Variants in DNAJC7 observed in about 807,000 individuals in gnomAD.
DNAJC7 encodes the protein dnaJ homolog subfamily C member 7.
Under a neutral mutation model 67.4 loss-of-function variants are expected in DNAJC7, and 18 were observed. The observed-to-expected ratio is 0.27, with a 90% CI of 0.18 to 0.40. The LOEUF (loss-of-function observed/expected upper bound fraction) is 0.40. Among genes scored for constraint, DNAJC7 ranks in the 10% least tolerant of loss-of-function variants. The probability of loss-of-function intolerance (pLI) is 1.00; values close to 1 mark genes in which losing one functional copy is unlikely to be tolerated. For synonymous variants in DNAJC7, 220 were observed against 207.8 expected (o/e 1.06, Z -0.50); for missense variants, 419 against 613.8 (o/e 0.68, Z 3.35).
chr17:41,989,016 C>T (rs751296113), intron 7 of DNAJC7, 120 bp from the exon 8 acceptor site: 29 of 1,200,644 alleles, frequency 2.4e-5, no homozygotes, highest in Middle Eastern at 2.8e-4. Context: ...CACAGAGCCC[C>T]GCCAACCCCC....
chr17:41,983,503 C>T, intron 10 of DNAJC7, 60 bp downstream of exon 10: 2 of 1,429,120 alleles, frequency 1.4e-6, no homozygotes, highest in Non-Finnish European at 1.9e-6. Flanking sequence ...ACCTTGTGTA[C>T]AGATTTATGG....
intron 2 of DNAJC7, among the ~76,000 whole-genome samples, chr17:41,998,258 C>A (rs890717054): frequency 6.6e-6 from 1 of 151,994 alleles, no homozygotes; most frequent in Non-Finnish European, 1.5e-5. Flanking sequence ...TCACTTGGGG[C>A]CAGGAGTTTT....
At chr17:41,991,919 G>A (rs1477934949) in intron 5 of DNAJC7, among the ~76,000 whole-genome samples, 2 of 152,310 alleles carry the variant, frequency 1.3e-5, no homozygotes, top group South Asian at 2.1e-4. Flanking sequence ...CGCCTCAAGT[G>A]ATCCTCCTGC....
chr17:41,999,892 C>T (rs1448068675), intron 2 of DNAJC7, among the ~76,000 whole-genome samples: 1 of 148,926 alleles, frequency 6.7e-6, no homozygotes, highest in African/African-American at 2.5e-5. Context: ...AATCTTGGCT[C>T]ACTGCAACTT....
intron 1 of DNAJC7, among the ~76,000 whole-genome samples, chr17:42,003,950 ATTTTT>A (rs10631965): frequency 5.3e-5 from 5 of 94,330 alleles, no homozygotes; most frequent in Admixed American, 1.5e-4. Context: ...AAGATTTTCA[ATTTTT>A]TTTTTTTTTT....
chr17:41,997,949 G>A (rs1042632565), intron 2 of DNAJC7, among the ~76,000 whole-genome samples: 3 of 152,128 alleles, frequency 2.0e-5, no homozygotes, highest in African/African-American at 4.8e-5. Context: ...TGCATCCTCC[G>A]CCTCCTGGGC....
At chr17:42,012,203 G>A (rs2052137942) in intron 1 of DNAJC7, among the ~76,000 whole-genome samples, 1 of 152,256 alleles carries the variant, frequency 6.6e-6, no homozygotes, top group South Asian at 2.1e-4. Flanking sequence ...AACAATTTGA[G>A]GTTGGGTGTA....
chr17:42,000,046 T>C (rs1179411883), intron 2 of DNAJC7, among the ~76,000 whole-genome samples: 3 of 146,264 alleles, frequency 2.1e-5, no homozygotes, highest in Non-Finnish European at 4.5e-5. Context: ...CTGAAACCCC[T>C]GATCTAAAGT....
Position 41,990,372 on chromosome 17 carries a change from C to A in DNAJC7, c.491G>T (p.Cys164Phe). The A allele has an allele frequency of 6.2e-7, 1 of 1,607,570 alleles. No individual in the cohort carries two copies. Among genetic ancestry groups the A allele is most frequent in the Non-Finnish European group, 8.5e-7 (1 of 1,176,880 alleles). ...GGCAAATTCTAGGGCACGGTCCATG[C>A]AGAAAACAACCTGTAGGGAAGAAGA... Reference protein sequence around the residue: ...EKRDFRKVVFCMDRALEFAPA... With the variant: ...EKRDFRKVVFFMDRALEFAPA... The change falls in exon 6 of 14, where the codon TGC becomes TTC. Residue 164 changes from cysteine to phenylalanine, a missense_variant. Physicochemically the swap from Cys to Phe is radical, Grantham distance 205. Around this residue, in one of 4 missense-constraint regions of DNAJC7, gnomAD observed 179 missense variants for 249.7 expected, o/e 0.72. Coordinates refer to ENST00000457167, the MANE Select transcript of DNAJC7 (RefSeq NM_003315.4).
chr17:41,980,296 C>T (rs2051215692), intron 12 of DNAJC7, among the ~76,000 whole-genome samples: 1 of 152,166 alleles, frequency 6.6e-6, no homozygotes, highest in South Asian at 2.1e-4. Flanking sequence ...GGTCCGCCCA[C>T]CTTGTTCTCC....
At chr17:41,978,989 AC>A (rs2051168787) in intron 12 of DNAJC7, among the ~76,000 whole-genome samples, 1 of 152,198 alleles carries the variant, frequency 6.6e-6, no homozygotes, top group Admixed American at 6.5e-5. Context: ...AAACACAAAT[AC>A]CCCCACACTG....
At chr17:41,989,039 C>A in intron 7 of DNAJC7, 143 bp from the exon 8 acceptor site, 1 of 1,022,028 alleles carries the variant, frequency 9.8e-7, no homozygotes. Context: ...TCTGGGCTAT[C>A]TGTTGCTCAT....
chr17:41,989,624 T>G, intron 6 of DNAJC7, 67 bp from the exon 7 acceptor site: 1 of 1,576,156 alleles, frequency 6.3e-7, no homozygotes, highest in South Asian at 1.1e-5. Context: ...CTACCATTTG[T>G]GGCCAGTTTT....
chr17:42,013,396 A>C (rs1217023023), intron 1 of DNAJC7: 1 of 152,230 alleles, frequency 6.6e-6, no homozygotes, highest in African/African-American at 2.4e-5. Flanking sequence ...CCGTCTTAAA[A>C]GCTCCTCTCA....
intron 1 of DNAJC7, among the ~76,000 whole-genome samples, chr17:42,009,130 C>T (rs1417703446): frequency 1.3e-5 from 2 of 152,244 alleles, no homozygotes; most frequent in Non-Finnish European, 2.9e-5. Flanking sequence ...AAGCTATCTG[C>T]TACTCAGCTT....
At chr17:41,989,265 C>A in intron 7 of DNAJC7, 139 bp downstream of exon 7, 1 of 1,228,122 alleles carries the variant, frequency 8.1e-7, no homozygotes, top group South Asian at 1.5e-5. Context: ...GAAACCATTT[C>A]TAATAAAGAC....
chr17:42,012,376 G>A (rs1264775023), intron 1 of DNAJC7, among the ~76,000 whole-genome samples: 2 of 152,146 alleles, frequency 1.3e-5, no homozygotes, highest in Admixed American at 6.5e-5. Flanking sequence ...CCAGCTACTC[G>A]GGAGGCTGAG....
Position 41,977,105 on chromosome 17 carries a change from C to A in DNAJC7, c.1447+156G>T, listed in dbSNP as rs573545446. On this transcript the variant is annotated intron_variant, in intron 13 of 13. Transcript: ENST00000457167. ...GGGTGCCTGGGAACCTTCCTGTCTTCATCCTTAGCAACAGCCGAGTGGATA... is the reference window on the plus strand; with the variant it reads ...GGGTGCCTGGGAACCTTCCTGTCTTAATCCTTAGCAACAGCCGAGTGGATA... 1.0e-5 allele frequency: 8 copies of A among 798,854 alleles called. No homozygotes were observed. In the African/African-American group the frequency reaches 1.4e-4, roughly 14 times the overall value. The allele number at this position is 798,854 out of a possible 1,614,324, so 49.5% of individuals were successfully genotyped here.
intron 9 of DNAJC7, chr17:41,987,408 AGTT>A (rs782497107): frequency 3.2e-5 from 5 of 156,834 alleles, no homozygotes; most frequent in Non-Finnish European, 7.0e-5. Context: ...TGTCTCCAAG[AGTT>A]GTTTTCTCTT....
Sources: gnomAD v4.1 joint callset for allele counts (sites outside exome capture counted in the v4.1 genomes callset) on GRCh38, gnomAD v4.1.1 for gene constraint, gnomAD v4.1.1 regional missense constraint, MANE v1.5 for transcripts, NCBI Gene and HGNC (gene_info 2026-07-23, HGNC 2026-07-21) for gene names.